Variants in XPR1 observed in about 807,000 individuals in gnomAD.
The protein encoded by XPR1 is xenotropic and polytropic retrovirus receptor 1, also known as solute carrier family 53 member 1.
A neutral mutation model predicts 87.5 loss-of-function variants in XPR1; 28 were observed. The observed-to-expected ratio is 0.32, with a 90% CI of 0.24 to 0.44. The LOEUF (loss-of-function observed/expected upper bound fraction) is 0.44, where lower values mean the gene tolerates loss of function less well. XPR1 is among the 20% of genes least tolerant of loss of function. XPR1 has a pLI of 1.00. For missense variants in XPR1, 559 were observed against 862.3 expected, an observed-to-expected ratio of 0.65 and a Z score of 4.41; for synonymous variants, 300 against 306.1, an observed-to-expected ratio of 0.98 and a Z score of 0.21.
chr1:180,760,082 C>G (rs184595967), intron 2 of XPR1, among the ~76,000 whole-genome samples: 45 of 152,252 alleles, frequency 3.0e-4, no homozygotes, highest in Non-Finnish European at 5.6e-4. Context: ...GCTAAAAACG[C>G]TCAATAAAGT....
chr1:180,757,324 C>G (rs1460495954), intron 2 of XPR1, among the ~76,000 whole-genome samples: 1 of 152,116 alleles, frequency 6.6e-6, no homozygotes, highest in African/African-American at 2.4e-5. Flanking sequence ...AAAATACACA[C>G]ATAAATCCTT....
chr1:180,664,565 G>A (rs1412072545), intron 1 of XPR1, among the ~76,000 whole-genome samples: 1 of 152,144 alleles, frequency 6.6e-6, no homozygotes, highest in African/African-American at 2.4e-5. Context: ...CACACAGAAG[G>A]AAGGGGTTTC....
At chr1:180,722,391 G>A (rs114329152) in intron 2 of XPR1, among the ~76,000 whole-genome samples, 1,792 of 152,184 alleles carry the variant, frequency 0.012, 28 homozygotes, top group African/African-American at 0.041. Context: ...ACCGCGCCCG[G>A]CCCTTAAAAT....
chr1:180,792,865 A>G (rs1307531553), intron 3 of XPR1, among the ~76,000 whole-genome samples: 3 of 152,030 alleles, frequency 2.0e-5, no homozygotes, highest in South Asian at 2.1e-4. Context: ...TCTTTATTCA[A>G]AATACTTAGT....
intron 1 of XPR1, among the ~76,000 whole-genome samples, chr1:180,680,730 G>A (rs534900196): frequency 6.6e-6 from 1 of 152,250 alleles, no homozygotes; most frequent in Admixed American, 6.5e-5. Flanking sequence ...AGGAAAGGAA[G>A]TCAGTAAACC....
At chr1:180,776,360 AAGT>A (rs1648717173) in intron 2 of XPR1, among the ~76,000 whole-genome samples, 1 of 152,076 alleles carries the variant, frequency 6.6e-6, no homozygotes, top group Non-Finnish European at 1.5e-5. Flanking sequence ...GAATTAATTC[AAGT>A]AGTTATTGAA....
chr1:180,687,271 T>G (rs748308718), intron 2 of XPR1, among the ~76,000 whole-genome samples: 2 of 152,172 alleles, frequency 1.3e-5, no homozygotes, highest in Non-Finnish European at 2.9e-5. Flanking sequence ...TCTTGTATTT[T>G]TTAAATTTTC....
chr1:180,724,714 C>G (rs1557975254), intron 2 of XPR1, among the ~76,000 whole-genome samples: 1 of 152,092 alleles, frequency 6.6e-6, no homozygotes, highest in Non-Finnish European at 1.5e-5. Flanking sequence ...CGTTATTTAG[C>G]TAGAACTAAT....
chr1:180,766,859 C>T (rs1433517493), intron 2 of XPR1, among the ~76,000 whole-genome samples: 4 of 152,038 alleles, frequency 2.6e-5, no homozygotes, highest in Non-Finnish European at 4.4e-5. Flanking sequence ...TTTTTGCTTC[C>T]TAACTCCATT....
intron 1 of XPR1, among the ~76,000 whole-genome samples, chr1:180,670,585 T>G (rs1054007614): frequency 2.6e-5 from 4 of 152,330 alleles, no homozygotes; most frequent in Admixed American, 6.5e-5. Flanking sequence ...AAATAATAAT[T>G]CTTTTGAATG....
At chr1:180,696,064 A>G (rs1197916432) in intron 2 of XPR1, among the ~76,000 whole-genome samples, 1 of 151,246 alleles carries the variant, frequency 6.6e-6, no homozygotes, top group Non-Finnish European at 1.5e-5. Context: ...ACCCATGAGC[A>G]TGGGATATCT....
chr1:180,772,338 A>G (rs564748714), intron 2 of XPR1, among the ~76,000 whole-genome samples: 10 of 152,266 alleles, frequency 6.6e-5, no homozygotes, highest in African/African-American at 2.4e-4. Context: ...CTGGAAATCA[A>G]CTTCGTCTCC....
intron 2 of XPR1, among the ~76,000 whole-genome samples, chr1:180,766,953 T>A (rs1648308359): frequency 6.6e-6 from 1 of 152,186 alleles, no homozygotes; most frequent in African/African-American, 2.4e-5. Flanking sequence ...GTGACCATAG[T>A]CATGATGCTA....
intron 1 of XPR1, among the ~76,000 whole-genome samples, chr1:180,660,021 T>C (rs1312702790): frequency 6.6e-6 from 1 of 152,144 alleles, no homozygotes; most frequent in Non-Finnish European, 1.5e-5. Context: ...TGGGAGACTT[T>C]TTATTACAGC....
intron 3 of XPR1, among the ~76,000 whole-genome samples, chr1:180,790,726 A>G (rs1265513970): frequency 6.6e-6 from 1 of 151,988 alleles, no homozygotes; most frequent in African/African-American, 2.4e-5. Context: ...TATTTTTAGT[A>G]GAGACGGGGT....
chr1:180,653,007 G>A (rs986873297), intron 1 of XPR1, among the ~76,000 whole-genome samples: 4 of 152,312 alleles, frequency 2.6e-5, no homozygotes, highest in South Asian at 4.1e-4. Flanking sequence ...TTTGCAATTT[G>A]TGCTGGCTTT....
At chr1:180,755,212 A>G (rs933448260) in intron 2 of XPR1, among the ~76,000 whole-genome samples, 3 of 152,232 alleles carry the variant, frequency 2.0e-5, no homozygotes, top group African/African-American at 7.2e-5. Flanking sequence ...CTGGAAATCG[A>G]CATCCCAATA....
At chr1:180,670,802 C>G (rs1656143487) in intron 1 of XPR1, among the ~76,000 whole-genome samples, 1 of 152,174 alleles carries the variant, frequency 6.6e-6, no homozygotes, top group African/African-American at 2.4e-5. Context: ...CTAGTAGTAA[C>G]AAACTTCTTC....
intron 2 of XPR1, among the ~76,000 whole-genome samples, chr1:180,769,050 CA>C (rs937228292): frequency 1.1e-4 from 17 of 148,360 alleles, no homozygotes; most frequent in Admixed American, 1.3e-4. Context: ...TTGTCTGCAG[CA>C]AAAAAAAATC....
Sources: allele counts gnomAD v4.1 joint callset (sites outside exome capture counted in the v4.1 genomes callset), GRCh38; gene constraint gnomAD v4.1.1; transcripts MANE v1.5; gene names NCBI Gene and HGNC (gene_info 2026-07-23, HGNC 2026-07-21).